BIN1: variants seen among roughly 807,000 people sequenced by gnomAD.
BIN1 encodes bridging integrator 1, also known as myc box-dependent-interacting protein 1.
BIN1 carries 53 observed loss-of-function variants against 82.0 expected under a neutral mutation model. That is an observed-to-expected ratio of 0.65 (90% confidence interval 0.52 to 0.81). The LOEUF (loss-of-function observed/expected upper bound fraction) is 0.81, where lower values mean the gene tolerates loss of function less well. BIN1 is among the 40% of genes least tolerant of loss of function. The pLI, the probability that BIN1 is intolerant of heterozygous loss-of-function variation, is 0.00. For missense variants in BIN1, 642 were observed against 784.4 expected (o/e 0.82, Z 2.17); for synonymous variants, 302 against 328.0 (o/e 0.92, Z 0.86).
Position 127,050,536 on chromosome 2 carries a change from G to A in BIN1, c.1573-14C>T, listed in dbSNP as rs760955602. The A allele has an allele frequency of 7.7e-5, 124 of 1,613,878 alleles. No homozygotes were observed. The highest frequency in any genetic ancestry group is 1.6e-4 in the Middle Eastern group (1 of 6,084). Reference sequence around the variant, plus strand: ...CTGGGCCTGTACCTGCAGAGGATGCGGATCGCAAGTCAGACCTTCCGTCCC... The same window carrying A: ...CTGGGCCTGTACCTGCAGAGGATGCAGATCGCAAGTCAGACCTTCCGTCCC... On this transcript the variant is annotated splice_polypyrimidine_tract_variant and intron_variant, in intron 17 of 18. Coordinates refer to ENST00000316724, the MANE Select transcript of BIN1 (RefSeq NM_139343.3).
chr2:127,096,511 G>C (rs115037567), intron 1 of BIN1, among the ~76,000 whole-genome samples: 2 of 152,146 alleles, frequency 1.3e-5, no homozygotes, highest in Non-Finnish European at 2.9e-5. Flanking sequence ...GCCACACAGC[G>C]GGGGAGCAGC....
chr2:127,089,796 G>C (rs1291512202), intron 1 of BIN1, among the ~76,000 whole-genome samples: 3 of 152,086 alleles, frequency 2.0e-5, no homozygotes, highest in African/African-American at 7.2e-5. Context: ...GGGCAAGTAA[G>C]CTCACCTCCC....
At position 127,068,877 on chromosome 2, in the gene BIN1, C is replaced by G. The variant is rs200720385; in HGVS notation, c.519+47G>C. On this transcript the variant is annotated intron_variant, in intron 6 of 18. Transcript: ENST00000316724. This position sits in a 1 kb window ranked among gnomAD's most constrained non-coding sequence, Gnocchi z 4.9. ...CCTCGGGGTCCTAGACACCCGCCCT[C>G]TCTCAGCCCCCTGCAGACGCTGCCC... 1 of 1,563,328 alleles carries G rather than the reference C, an allele frequency of 6.4e-7. No individual in the cohort carries two copies. Among genetic ancestry groups the G allele is most frequent in the East Asian group, 2.2e-5 (1 of 44,614 alleles).
At position 127,053,337 on chromosome 2, in the gene BIN1, G is replaced by C. The variant is rs376910706; in HGVS notation, c.1263+85C>G. The C allele has an allele frequency of 4.4e-4, 682 of 1,564,780 alleles. 1 individual carries two copies. The African/African-American group carries it at 7.9e-3, about 18-fold the overall frequency. On this transcript the variant is annotated intron_variant, in intron 14 of 18. Coordinates refer to ENST00000316724, the MANE Select transcript of BIN1 (RefSeq NM_139343.3). ...GGGTGTGTGGGGTGCATGCACCTGT[G>C]AACAGGCTAGGAGCATGTGGGCCTG...
At position 127,082,407 on chromosome 2, in the gene BIN1, G is replaced by A. The variant is rs1424803290; in HGVS notation, c.85-5701C>T. On this transcript the variant is annotated intron_variant, in intron 1 of 18. Coordinates refer to ENST00000316724, the MANE Select transcript of BIN1 (RefSeq NM_139343.3). The surrounding 1 kb of genome is among the most constrained non-coding windows in gnomAD (Gnocchi z 6.1). ...GGTCACAAGCTCTGAGGCCTTGCAG[G>A]CACTCAGCTGGGGATACCAGGGACA... Among the ~76,000 whole-genome samples, 1 of 152,182 alleles carries A rather than the reference G, an allele frequency of 6.6e-6. No individual in the cohort carries two copies. Among genetic ancestry groups the A allele is most frequent in the African/African-American group, 2.4e-5 (1 of 41,432 alleles).
chr2:127,062,301 G>A (rs1684609797), intron 9 of BIN1, 104 bp from the exon 10 acceptor site: 3 of 1,138,430 alleles, frequency 2.6e-6, no homozygotes, highest in Admixed American at 2.0e-5. Flanking sequence ...GCCCCTGCCA[G>A]GAACAAGCTC....
chr2:127,072,064 G>A lies in BIN1; in HGVS notation c.166-1248C>T, dbSNP rs913435854. Among the ~76,000 whole-genome samples, 8 of 152,196 alleles carry A rather than the reference G, an allele frequency of 5.3e-5. No homozygotes were observed. In the South Asian group the frequency reaches 6.2e-4, roughly 12 times the overall value. ...CCTCAGGGACACCCATGTTCCAGTC[G>A]CCTCCTGCCCTGAAGGAGGGGCAGC... On this transcript the variant is annotated intron_variant, in intron 2 of 18. Coordinates refer to ENST00000316724, the MANE Select transcript of BIN1 (RefSeq NM_139343.3).
At chr2:127,083,698 C>A (rs1326949508) in intron 1 of BIN1, among the ~76,000 whole-genome samples, 1 of 152,198 alleles carries the variant, frequency 6.6e-6, no homozygotes, top group African/African-American at 2.4e-5. Context: ...ATTGTCGGGT[C>A]TCTTGTTCCT....
chr2:127,067,458 G>C lies in BIN1; in HGVS notation c.612+705C>G, dbSNP rs1685293566. On this transcript the variant is annotated intron_variant, in intron 7 of 18. Transcript: ENST00000316724. The surrounding 1 kb of genome is among the most constrained non-coding windows in gnomAD (Gnocchi z 4.7). Reference sequence around the variant, plus strand: ...GCCAGGATGGTGAGATGGCCCAGGAGTTTTGTAAAAAAGCCTCCTCCGGGA... The same window carrying C: ...GCCAGGATGGTGAGATGGCCCAGGACTTTTGTAAAAAAGCCTCCTCCGGGA... Among the ~76,000 whole-genome samples the C allele has an allele frequency of 6.6e-6, 1 of 152,170 alleles. No individual in the cohort carries two copies. Among genetic ancestry groups the C allele is most frequent in the Non-Finnish European group, 1.5e-5 (1 of 68,024 alleles).
chr2:127,097,209 C>T (rs772308069), intron 1 of BIN1, among the ~76,000 whole-genome samples: 3 of 152,220 alleles, frequency 2.0e-5, no homozygotes, highest in African/African-American at 7.2e-5. Context: ...CACACAGGGC[C>T]GTGCATACAG....
At chr2:127,092,551 A>G (rs1021669173) in intron 1 of BIN1, among the ~76,000 whole-genome samples, 1 of 152,150 alleles carries the variant, frequency 6.6e-6, no homozygotes, top group African/African-American at 2.4e-5. Flanking sequence ...CGCAGTCCCT[A>G]GCACCACCAG....
At chr2:127,095,041 C>G (rs1679417173) in intron 1 of BIN1, among the ~76,000 whole-genome samples, 1 of 152,208 alleles carries the variant, frequency 6.6e-6, no homozygotes, top group Non-Finnish European at 1.5e-5. Context: ...GGACAGGCTG[C>G]TTCACTGAGT....
intron 1 of BIN1, among the ~76,000 whole-genome samples, chr2:127,100,838 CA>C (rs1680218833): frequency 1.3e-5 from 2 of 152,110 alleles, no homozygotes; most frequent in South Asian, 4.1e-4. Flanking sequence ...GTGGTCTCCG[CA>C]GGAGCAGAAC....
intron 1 of BIN1, among the ~76,000 whole-genome samples, chr2:127,083,552 A>G (rs142965368): frequency 2.1e-4 from 32 of 152,286 alleles, no homozygotes; most frequent in South Asian, 2.1e-4. Context: ...TGATACCATA[A>G]GCACCCCCAA....
intron 1 of BIN1, among the ~76,000 whole-genome samples, chr2:127,085,154 AC>A (rs1367390722): frequency 6.6e-6 from 1 of 152,140 alleles, no homozygotes; most frequent in African/African-American, 2.4e-5. Flanking sequence ...TGGGAAAGCT[AC>A]GGGCAGCTGG....
chr2:127,051,704 G>A (rs2104873080), intron 15 of BIN1, among the ~76,000 whole-genome samples: 1 of 152,318 alleles, frequency 6.6e-6, no homozygotes, highest in South Asian at 2.1e-4. Flanking sequence ...AGCGCAGGTG[G>A]TGCGGTGCAG....
chr2:127,075,152 C>G (rs965358281), intron 2 of BIN1, among the ~76,000 whole-genome samples: 1 of 152,224 alleles, frequency 6.6e-6, no homozygotes, highest in Non-Finnish European at 1.5e-5. Flanking sequence ...TCCCCAACAC[C>G]CACACCAGCT....
chr2:127,085,547 C>A (rs1678026645), intron 1 of BIN1, among the ~76,000 whole-genome samples: 1 of 152,176 alleles, frequency 6.6e-6, no homozygotes, highest in African/African-American at 2.4e-5. Flanking sequence ...AGTGGAGGAA[C>A]CACGAAGAAG....
Position 127,052,318 on chromosome 2 carries a change from G to A in BIN1, c.1308C>T (p.Ser436=), listed in dbSNP as rs760959487. ...ACACAGCAAAGGTGCCCTCGGCAGCGCTGGGCTCCCCGGAAGGCAGGCTGC... is the reference window on the plus strand; with the variant it reads ...ACACAGCAAAGGTGCCCTCGGCAGCACTGGGCTCCCCGGAAGGCAGGCTGC... The part of the protein sequence containing the change: ...PAGSLPSGEP[S]AAEGTFAVSW... The change falls in exon 15 of 19, where the codon AGC becomes AGT. Residue 436 remains serine, a synonymous_variant. Transcript: ENST00000316724. The A allele has an allele frequency of 2.5e-5, 39 of 1,587,210 alleles. No individual in the cohort carries two copies. Among genetic ancestry groups the A allele is most frequent in the South Asian group, 6.9e-5 (6 of 87,076 alleles).
Sources: gnomAD v4.1 joint callset for allele counts (sites outside exome capture counted in the v4.1 genomes callset) on GRCh38, gnomAD v4.1.1 for gene constraint, Gnocchi (gnomAD v3.1) non-coding constraint, MANE v1.5 for transcripts, NCBI Gene and HGNC (gene_info 2026-07-23, HGNC 2026-07-21) for gene names.